Variants in PTPN3 observed in about 807,000 individuals in gnomAD.
The protein encoded by PTPN3 is tyrosine-protein phosphatase non-receptor type 3.
PTPN3 carries 96 observed loss-of-function variants against 132.7 expected under a neutral mutation model. That is an observed-to-expected ratio of 0.72 (90% CI 0.61 to 0.86). The LOEUF (loss-of-function observed/expected upper bound fraction) is 0.86, where lower values mean the gene tolerates loss of function less well. PTPN3 is among the 40% of genes least tolerant of loss of function. The probability of loss-of-function intolerance (pLI) is 0.00; values close to 1 mark genes in which losing one functional copy is unlikely to be tolerated. For missense variants in PTPN3, 1,125 were observed against 1,159.6 expected, an observed-to-expected ratio of 0.97 and a Z score of 0.43; for synonymous variants, 398 against 429.0, an observed-to-expected ratio of 0.93 and a Z score of 0.89.
chr9:109,432,538 C>A (rs1347476722), intron 10 of PTPN3, among the ~76,000 whole-genome samples: 1 of 152,164 alleles, frequency 6.6e-6, no homozygotes, highest in Non-Finnish European at 1.5e-5. Flanking sequence ...ACATTAAACT[C>A]AAACTTCTCT....
At chr9:109,425,506 T>C (rs1309349081) in intron 12 of PTPN3, among the ~76,000 whole-genome samples, 2 of 149,800 alleles carry the variant, frequency 1.3e-5, no homozygotes, top group South Asian at 2.1e-4. Context: ...AGGTCAGGAG[T>C]TCGAGAGCAG....
At chr9:109,470,838 C>T (rs1846343973) in intron 1 of PTPN3, among the ~76,000 whole-genome samples, 2 of 152,014 alleles carry the variant, frequency 1.3e-5, no homozygotes, top group Admixed American at 6.6e-5. Context: ...TCTTTTTAAC[C>T]AGTGACTTAA....
rs1316228398 is a variant in PTPN3, at chr9:109,457,390, T to C, written c.148A>G (p.Thr50Ala). 6.3e-7 allele frequency: 1 copy of C among 1,599,392 alleles called. No individual in the cohort carries two copies. The highest frequency in any genetic ancestry group is 1.7e-5 in the Admixed American group (1 of 59,442). Residue 50 changes from threonine (T) to alanine (A), a missense_variant, in exon 3 of 26, where the codon ACT (threonine) becomes GCT (alanine). By Grantham distance (58) the Thr-to-Ala change is moderately conservative. Coordinates refer to ENST00000374541, the MANE Select transcript of PTPN3 (RefSeq NM_002829.4). ...ACCATATCCAGAAGAACCTGGCCAG[T>C]GTCTTGTTTCTAGAACAAAGGAAAT... is the stretch of plus-strand genomic sequence containing the variant. Reference protein sequence around the residue: ...VQTFKVTKQDTGQVLLDMVHN... With the variant: ...VQTFKVTKQDAGQVLLDMVHN...
upstream of PTPN3, among the ~76,000 whole-genome samples, chr9:109,498,470 C>G (rs1352437861): frequency 6.6e-6 from 1 of 151,634 alleles, no homozygotes; most frequent in African/African-American, 2.4e-5. This position sits in a 1 kb window ranked among gnomAD's most constrained non-coding sequence, Gnocchi z 4.2. Context: ...CACCGGGGCT[C>G]TCCGCCGAGC....
Position 109,405,590 on chromosome 9 carries a change from T to C in PTPN3, c.1792+872A>G, listed in dbSNP as rs867859516. Among the ~76,000 whole-genome samples the C allele has an allele frequency of 1.2e-4, 19 of 152,180 alleles. No homozygotes were observed. In the Middle Eastern group the frequency reaches 0.01, roughly 82 times the overall value. ...CAGGTACTTTCCAGTCTAAGTGCCA[T>C]TGATTGATTGAATGATTGAGATGGA... On this transcript the variant is annotated intron_variant, in intron 18 of 25. Coordinates refer to ENST00000374541, the MANE Select transcript of PTPN3 (RefSeq NM_002829.4).
chr9:109,423,182 T>C lies in PTPN3; in HGVS notation c.1002-330A>G, dbSNP rs1843000428. On this transcript the variant is annotated intron_variant, in intron 12 of 25. Coordinates refer to ENST00000374541, the MANE Select transcript of PTPN3 (RefSeq NM_002829.4). ...CTCCAGTGATTTCAAGGAATTCTTA[T>C]TTTATTCACACTGGCCTAAGTAAAA... Among the ~76,000 whole-genome samples the C allele has an allele frequency of 2.0e-5, 3 of 152,264 alleles. No homozygotes were observed. In the South Asian group the frequency reaches 6.2e-4, roughly 31 times the overall value.
chr9:109,508,700 A>G, the PTPN3 span, among the ~76,000 whole-genome samples: 4 of 149,578 alleles, frequency 2.7e-5, no homozygotes, highest in Non-Finnish European at 6.0e-5. Flanking sequence ...TTTTCTTGCT[A>G]GCTTAATAAT....
At chr9:109,394,911 G>C (rs146595723) in intron 19 of PTPN3, among the ~76,000 whole-genome samples, 2 of 151,992 alleles carry the variant, frequency 1.3e-5, no homozygotes, top group African/African-American at 4.8e-5. Flanking sequence ...AGGCTGAGGC[G>C]GGCAGATCAC....
intron 10 of PTPN3, among the ~76,000 whole-genome samples, chr9:109,429,728 T>C (rs1015740375): frequency 2.4e-5 from 3 of 122,650 alleles, no homozygotes; most frequent in African/African-American, 9.3e-5. Context: ...TAACTACAAG[T>C]GGTCTTGGAA....
chr9:109,436,733 A>C, intron 9 of PTPN3, 150 bp downstream of exon 9: 1 of 1,261,206 alleles, frequency 7.9e-7, no homozygotes. Flanking sequence ...ACCAACAAAA[A>C]ATTCAGCATT....
At chr9:109,442,125 G>A (rs1844520148) in intron 7 of PTPN3, among the ~76,000 whole-genome samples, 3 of 151,998 alleles carry the variant, frequency 2.0e-5, no homozygotes, top group Admixed American at 2.0e-4. Flanking sequence ...ATGGCTCACT[G>A]CAGCCTTGAC....
At chr9:109,452,946 C>G (rs1482313295) in intron 5 of PTPN3, among the ~76,000 whole-genome samples, 1 of 152,086 alleles carries the variant, frequency 6.6e-6, no homozygotes, top group East Asian at 1.9e-4. Context: ...ATCACCAGCT[C>G]TGTGTCCGTC....
upstream of PTPN3, among the ~76,000 whole-genome samples, chr9:109,499,510 T>G (rs1847824346): frequency 6.6e-6 from 1 of 152,200 alleles, no homozygotes; most frequent in Non-Finnish European, 1.5e-5. Flanking sequence ...ATTTCCCTCC[T>G]AAATGTCAGC....
chr9:109,510,880 A>G, the PTPN3 span, among the ~76,000 whole-genome samples: 1 of 152,074 alleles, frequency 6.6e-6, no homozygotes, highest in Non-Finnish European at 1.5e-5. Context: ...CAAATGTGCT[A>G]AAAGGTTTTT....
At chr9:109,399,162 TTTATTTA>T (rs1396359408) in intron 19 of PTPN3, among the ~76,000 whole-genome samples, 1 of 152,038 alleles carries the variant, frequency 6.6e-6, no homozygotes, top group East Asian at 1.9e-4. Flanking sequence ...AAGTTAAAAT[TTTATTTA>T]TTTTTTTGAG....
intron 25 of PTPN3, among the ~76,000 whole-genome samples, chr9:109,380,257 C>CTATA (rs1360208092): frequency 6.6e-6 from 1 of 151,066 alleles, no homozygotes; most frequent in Admixed American, 6.7e-5. Context: ...ATCTATCTAT[C>CTATA]TATCTATCTA....
At chr9:109,421,350 C>T (rs2131841657) in intron 13 of PTPN3, among the ~76,000 whole-genome samples, 1 of 152,356 alleles carries the variant, frequency 6.6e-6, no homozygotes, top group South Asian at 2.1e-4. Flanking sequence ...GTTCTATTTT[C>T]CCTCACAGTT....
At chr9:109,510,956 T>C in the PTPN3 span, among the ~76,000 whole-genome samples, 3 of 152,148 alleles carry the variant, frequency 2.0e-5, no homozygotes, top group African/African-American at 7.2e-5. Context: ...CTACAACATA[T>C]ATGTGTTATT....
chr9:109,439,912 A>C (rs1844330573), intron 7 of PTPN3, among the ~76,000 whole-genome samples: 1 of 151,952 alleles, frequency 6.6e-6, no homozygotes, highest in Admixed American at 6.6e-5. Flanking sequence ...CTGTCTCAAA[A>C]AAGAAAAAAA....
Sources: allele counts gnomAD v4.1 joint callset (sites outside exome capture counted in the v4.1 genomes callset), GRCh38; gene constraint gnomAD v4.1.1; non-coding constraint Gnocchi (gnomAD v3.1); transcripts MANE v1.5; gene names NCBI Gene and HGNC (gene_info 2026-07-23, HGNC 2026-07-21).